CADPS: variants seen among roughly 807,000 people sequenced by gnomAD.
The protein encoded by CADPS is calcium dependent secretion activator, also known as calcium-dependent secretion activator 1.
CADPS carries 57 observed loss-of-function variants against 167.3 expected under a neutral mutation model. The ratio of observed to expected loss-of-function variants is 0.34; its 90% CI spans 0.28 to 0.42. The LOEUF is 0.42. Among genes scored for constraint, CADPS ranks in the 20% least tolerant of loss-of-function variants. The probability of loss-of-function intolerance (pLI) is 1.00; values close to 1 mark genes in which losing one functional copy is unlikely to be tolerated. For missense variants in CADPS, 1,414 were observed against 1,738.1 expected (o/e 0.81, Z 3.32); for synonymous variants, 676 against 635.3 (o/e 1.06, Z -0.96).
intron 3 of CADPS, among the ~76,000 whole-genome samples, chr3:62,717,158 A>G (rs1325523118): frequency 6.6e-6 from 1 of 152,204 alleles, no homozygotes; most frequent in Non-Finnish European, 1.5e-5. Context: ...TGAAGACTAG[A>G]CAGATAAAAC....
At chr3:62,511,727 A>G (rs1018887000) in intron 17 of CADPS, among the ~76,000 whole-genome samples, 1 of 151,972 alleles carries the variant, frequency 6.6e-6, no homozygotes, top group African/African-American at 2.4e-5. Flanking sequence ...CATCCCTTTT[A>G]CACATAACTC....
Position 62,651,015 on chromosome 3 carries a change from T to A in CADPS, c.1035A>T (p.Ser345=), listed in dbSNP as rs376724787. 5.5e-5 allele frequency: 89 copies of A among 1,614,046 alleles called. No homozygotes were observed. Among genetic ancestry groups the A allele is most frequent in the Non-Finnish European group, 7.3e-5 (86 of 1,179,996 alleles). The change falls in exon 5 of 30, where the codon TCA becomes TCT. Residue 345 remains serine, a synonymous_variant. Transcript: ENST00000383710. Reference sequence around the variant, plus strand: ...AGTTGGCCATGAGCAGGTTGACAGATGACTTCAGCTCCTCAATGTACATGT... The same window carrying A: ...AGTTGGCCATGAGCAGGTTGACAGAAGACTTCAGCTCCTCAATGTACATGT... The part of the protein sequence containing the change: ...MENMYIEELK[S]SVNLLMANLE...
chr3:62,753,870 A>G lies in CADPS; in HGVS notation c.556-97T>C. 1 of 1,181,326 alleles carries G rather than the reference A, an allele frequency of 8.5e-7. No individual in the cohort carries two copies. The highest frequency in any genetic ancestry group is 1.2e-6 in the Non-Finnish European group (1 of 846,436). 73.2% of individuals were successfully genotyped at this position (1,181,326 alleles called of 1,614,324 possible). A position where few individuals can be genotyped will look rare whatever the true frequency, so the allele number is the denominator to read the frequency against. The stretch of plus-strand genomic sequence containing the variant: ...CACTGGGCCAGTCCACCTCACGTGC[A>G]TCCCAGGAGGAACCACTGTGGGTCT... On this transcript the variant is annotated intron_variant, in intron 2 of 29. Transcript: ENST00000383710. The surrounding 1 kb of genome is among the most constrained non-coding windows in gnomAD (Gnocchi z 4.6).
chr3:62,632,344 T>A (rs753828164), intron 6 of CADPS, among the ~76,000 whole-genome samples: 1 of 152,164 alleles, frequency 6.6e-6, no homozygotes, highest in East Asian at 1.9e-4. Flanking sequence ...CAGAAAAACA[T>A]AAAATATTAT....
intron 3 of CADPS, among the ~76,000 whole-genome samples, chr3:62,693,725 T>G (rs1337580516): frequency 1.3e-5 from 2 of 150,590 alleles, no homozygotes; most frequent in Middle Eastern, 3.2e-3. Flanking sequence ...GCAGAGGTTG[T>G]AGTGAGCCGA....
At chr3:62,507,653 A>G (rs957801334) in intron 17 of CADPS, among the ~76,000 whole-genome samples, 1 of 152,202 alleles carries the variant, frequency 6.6e-6, no homozygotes, top group African/African-American at 2.4e-5. Flanking sequence ...AAGCTTGTTA[A>G]GAATGCATAT....
At chr3:62,708,337 T>C (rs1170828544) in intron 3 of CADPS, among the ~76,000 whole-genome samples, 4 of 152,146 alleles carry the variant, frequency 2.6e-5, no homozygotes, top group Admixed American at 6.5e-5. Flanking sequence ...GTGTATATAG[T>C]ACTGTTGATG....
Position 62,438,458 on chromosome 3 carries a change from T to A in CADPS, c.3670-247A>T. 4 of 427,200 alleles carry A rather than the reference T, an allele frequency of 9.4e-6. No individual in the cohort carries two copies. Among genetic ancestry groups the A allele is most frequent in the South Asian group, 8.8e-5 (3 of 34,206 alleles). The allele number at this position is 427,200 out of a possible 1,614,324, so 26.5% of individuals were successfully genotyped here. ...GATTGTAGGATTTTATAAATAGTTT[T>A]TCTATGATAAATTTTTTCCTGGCAA... On this transcript the variant is annotated intron_variant, in intron 27 of 29. Transcript: ENST00000383710. This position sits in a 1 kb window ranked among gnomAD's most constrained non-coding sequence, Gnocchi z 4.7.
chr3:62,850,145 G>A (rs1274913000), intron 1 of CADPS, among the ~76,000 whole-genome samples: 3 of 129,590 alleles, frequency 2.3e-5, no homozygotes, highest in Non-Finnish European at 3.5e-5. Flanking sequence ...ATTTTTTATC[G>A]TGTCTATTTG....
chr3:62,654,041 CGTT>C (rs1563394209), intron 4 of CADPS, among the ~76,000 whole-genome samples: 1 of 152,124 alleles, frequency 6.6e-6, no homozygotes. Flanking sequence ...GAATCTCAAA[CGTT>C]GTATTTCTCT....
chr3:62,562,014 G>A (rs1190615636), intron 9 of CADPS, among the ~76,000 whole-genome samples: 1 of 152,180 alleles, frequency 6.6e-6, no homozygotes, highest in East Asian at 1.9e-4. Context: ...CTGCCCTCAT[G>A]TCTAGCATGA....
intron 1 of CADPS, among the ~76,000 whole-genome samples, chr3:62,790,291 A>C (rs1017820441): frequency 6.6e-6 from 1 of 152,098 alleles, no homozygotes; most frequent in African/African-American, 2.4e-5. Context: ...GGTGATTTAC[A>C]TTTTATGCAT....
chr3:62,736,298 G>C (rs1225816914), intron 3 of CADPS, among the ~76,000 whole-genome samples: 1 of 152,104 alleles, frequency 6.6e-6, no homozygotes, highest in Non-Finnish European at 1.5e-5. Context: ...GATACTGCAC[G>C]ACCTGATACC....
At chr3:62,840,394 T>C (rs1032871771) in intron 1 of CADPS, among the ~76,000 whole-genome samples, 12 of 152,204 alleles carry the variant, frequency 7.9e-5, no homozygotes, top group African/African-American at 2.7e-4. Flanking sequence ...TGTTTAATAA[T>C]GAGAAGACAG....
intron 28 of CADPS, among the ~76,000 whole-genome samples, chr3:62,418,060 T>C (rs2149363468): frequency 6.6e-6 from 1 of 152,204 alleles, no homozygotes; most frequent in East Asian, 1.9e-4. Flanking sequence ...TATCGGGCAC[T>C]ATTCTAAGCA....
Position 62,481,798 on chromosome 3 carries a change from A to T in CADPS, c.3098T>A (p.Val1033Asp). 1 of 1,612,056 alleles carries T rather than the reference A, an allele frequency of 6.2e-7. No individual in the cohort carries two copies. Among genetic ancestry groups the T allele is most frequent in the Non-Finnish European group, 8.5e-7 (1 of 1,179,264 alleles). Residue 1033 changes from valine to aspartate, a missense_variant, in exon 22 of 30, where the codon GTT (valine) becomes GAT (aspartate). Physicochemically the swap from Val to Asp is radical, Grantham distance 152 (BLOSUM62 -3). Around this residue, in one of 6 missense-constraint regions of CADPS, gnomAD observed 529 missense variants for 629.6 expected, o/e 0.84. Coordinates refer to ENST00000383710, the MANE Select transcript of CADPS (RefSeq NM_003716.4). ...VNLPKVPNLP[V>D]NIPLGIPQMP... ...TTGTGGGATGCCTAGAGGGATGTTA[A>T]CTGGTAGATTTGGTACTTTGGGAAG...
Position 62,753,802 on chromosome 3 carries a change from G to T in CADPS, c.556-29C>A, listed in dbSNP as rs116531691. 1.9e-6 allele frequency: 3 copies of T among 1,584,886 alleles called. No homozygotes were observed. The highest frequency in any genetic ancestry group is 1.7e-6 in the Non-Finnish European group (2 of 1,162,990). On this transcript the variant is annotated intron_variant, in intron 2 of 29. Transcript: ENST00000383710. The surrounding 1 kb of genome is among the most constrained non-coding windows in gnomAD (Gnocchi z 4.6). The stretch of plus-strand genomic sequence containing the variant: ...AGCAAGAACAAGGCCAGGAAAGACA[G>T]TAGGAGAGTTTACCACAGAGGTACC...
chr3:62,646,452 G>A (rs532980516), intron 5 of CADPS, among the ~76,000 whole-genome samples: 1 of 152,172 alleles, frequency 6.6e-6, no homozygotes, highest in East Asian at 1.9e-4. Context: ...GATTACAGGC[G>A]TGAGCCACCA....
At chr3:62,432,350 A>G (rs1337406641) in intron 28 of CADPS, among the ~76,000 whole-genome samples, 1 of 152,186 alleles carries the variant, frequency 6.6e-6, no homozygotes, top group African/African-American at 2.4e-5. Context: ...CAAAAGTGGC[A>G]GAACCAAGTT....
Sources: allele counts gnomAD v4.1 joint callset (sites outside exome capture counted in the v4.1 genomes callset), GRCh38; gene constraint gnomAD v4.1.1; regional missense constraint gnomAD v4.1.1; non-coding constraint Gnocchi (gnomAD v3.1); transcripts MANE v1.5; gene names NCBI Gene and HGNC (gene_info 2026-07-23, HGNC 2026-07-21).